The following MELK variants were observed in gnomAD, a reference collection of about 807,000 sequenced individuals.
MELK encodes the protein pEg3 kinase.
Under a neutral mutation model 85.0 loss-of-function variants are expected in MELK, and 81 were observed. That is an observed-to-expected ratio of 0.95 (90% confidence interval 0.80 to 1.15). MELK has a LOEUF of 1.15. Ranked by LOEUF, MELK falls within the 50% of genes most tolerant of loss-of-function variation. MELK has a pLI of 0.00. For synonymous variants in MELK, 252 were observed against 265.0 expected (o/e 0.95, Z 0.48); for missense variants, 754 against 777.5 (o/e 0.97, Z 0.36).
At chr9:36,669,489 G>T in intron 15 of MELK, 83 bp downstream of exon 15, 1 of 952,354 alleles carries the variant, frequency 1.1e-6, no homozygotes, top group Non-Finnish European at 1.5e-6. Context: ...ACCTGATTAA[G>T]GTAAATCATC....
intron 10 of MELK, 80 bp downstream of exon 10, chr9:36,633,280 G>A: frequency 3.2e-6 from 3 of 935,614 alleles, no homozygotes; most frequent in Non-Finnish European, 3.3e-6. Context: ...CAATGATGTG[G>A]TCTAAATATA....
chr9:36,634,283 A>G (rs1828905271), intron 10 of MELK, among the ~76,000 whole-genome samples: 1 of 152,248 alleles, frequency 6.6e-6, no homozygotes, highest in Non-Finnish European at 1.5e-5. Context: ...TATCATTGAC[A>G]ACAAATATGT....
Position 36,615,598 on chromosome 9 carries a change from C to T in MELK, c.666+7925C>T, listed in dbSNP as rs1314264672. Among the ~76,000 whole-genome samples the T allele has an allele frequency of 2.1e-4, 27 of 129,418 alleles. 3 individuals are homozygous for T. Among genetic ancestry groups the T allele is most frequent in the African/African-American group, 8.8e-4 (23 of 25,996 alleles). The allele number at this position is 129,418 out of a possible 152,430, so 84.9% of individuals were successfully genotyped here. A position where few individuals can be genotyped will look rare whatever the true frequency, so the allele number is the denominator to read the frequency against. On this transcript the variant is annotated intron_variant, in intron 8 of 17. Transcript: ENST00000298048. ...GCGGAGAGGCTCCTCACTTCTCAGA[C>T]GGGGTGGTTGCCAGGCAGAGGGTCT... is the stretch of plus-strand genomic sequence containing the variant.
At chr9:36,641,174 G>A (rs1395904005) in intron 10 of MELK, among the ~76,000 whole-genome samples, 2 of 152,160 alleles carry the variant, frequency 1.3e-5, no homozygotes, top group East Asian at 3.8e-4. Context: ...CTTATAATAG[G>A]AATACGCAAA....
chr9:36,639,028 T>TA (rs1829492189), intron 10 of MELK, among the ~76,000 whole-genome samples: 2 of 152,162 alleles, frequency 1.3e-5, no homozygotes. Flanking sequence ...TCTGTTGAAG[T>TA]AGCTACTGGA....
rs117524792 is a variant in MELK, at chr9:36,632,023, G to A, written c.736-1079G>A. On this transcript the variant is annotated intron_variant, in intron 9 of 17. Coordinates refer to ENST00000298048, the MANE Select transcript of MELK (RefSeq NM_014791.4). ...TACTGAATAAATACTTGAATGAGTT[G>A]ATGTACTATTGAATGGGCCCTGTTA... Among the ~76,000 whole-genome samples, 1,378 of 152,296 alleles carry A rather than the reference G, an allele frequency of 9.0e-3. 8 individuals carry two copies. The highest frequency in any genetic ancestry group is 0.014 in the Non-Finnish European group (943 of 68,034).
chr9:36,632,291 A>G (rs912092995), intron 9 of MELK, among the ~76,000 whole-genome samples: 2 of 152,206 alleles, frequency 1.3e-5, no homozygotes, highest in Admixed American at 1.3e-4. Flanking sequence ...GCTGAAGCCT[A>G]GGTAAGCACT....
intron 8 of MELK, among the ~76,000 whole-genome samples, chr9:36,629,580 G>A (rs1445623939): frequency 1.3e-5 from 2 of 152,154 alleles, no homozygotes; most frequent in Non-Finnish European, 1.5e-5. Context: ...CCTATGTACT[G>A]TCACCAAATA....
intron 4 of MELK, among the ~76,000 whole-genome samples, chr9:36,591,102 A>G (rs981683268): frequency 1.3e-5 from 2 of 152,088 alleles, no homozygotes; most frequent in African/African-American, 2.4e-5. Flanking sequence ...TAAAAAATAA[A>G]AACAAAAAAA....
intron 11 of MELK, among the ~76,000 whole-genome samples, chr9:36,647,581 C>T (rs963078090): frequency 2.5e-4 from 38 of 151,900 alleles, no homozygotes; most frequent in African/African-American, 3.4e-4. Context: ...CTCCGCCTCC[C>T]GAGTTCAAGC....
Position 36,665,576 on chromosome 9 carries a change from C to T in MELK, c.1403C>T (p.Ser468Leu). 1 of 1,606,104 alleles carries T rather than the reference C, an allele frequency of 6.2e-7. No individual in the cohort carries two copies. Among genetic ancestry groups the T allele is most frequent in the Non-Finnish European group, 8.5e-7 (1 of 1,174,972 alleles). The change falls in exon 14 of 18, where the codon TCA (serine) becomes TTA (leucine). Residue 468 changes from serine (S) to leucine (L), a missense_variant. Physicochemically the swap from Ser to Leu is moderately radical, Grantham distance 145 (BLOSUM62 -2). Coordinates refer to ENST00000298048, the MANE Select transcript of MELK (RefSeq NM_014791.4). ...ACGCCAAATCGTTACACTACACCCTCAAAAGGTATTTGCTAAGTGAATTAA... is the reference window on the plus strand; with the variant it reads ...ACGCCAAATCGTTACACTACACCCTTAAAAGGTATTTGCTAAGTGAATTAA... ...LTTPNRYTTP[S>L]KARNQCLKET... is the part of the protein sequence containing the mutation.
chr9:36,606,606 T>A, intron 7 of MELK, among the ~76,000 whole-genome samples: 1 of 147,138 alleles, frequency 6.8e-6, no homozygotes, highest in East Asian at 2.0e-4. Flanking sequence ...ATATAATATA[T>A]ACATATGTAT....
chr9:36,593,715 G>A (rs1331198223), intron 4 of MELK, among the ~76,000 whole-genome samples: 2 of 152,022 alleles, frequency 1.3e-5, no homozygotes, highest in Admixed American at 1.3e-4. Context: ...TTTTTGAGAC[G>A]AAGTCTCACT....
chr9:36,622,960 C>G (rs879549925), intron 8 of MELK, among the ~76,000 whole-genome samples: 1 of 152,170 alleles, frequency 6.6e-6, no homozygotes, highest in Non-Finnish European at 1.5e-5. Flanking sequence ...CTTAAATAAA[C>G]AAACACAAAT....
In MELK at chr9:36,621,275, G is replaced by GAAAAAAAAAAAAAAAA. The variant is rs74181196; in HGVS notation, c.667-8997_667-8982dup. ...TGACAGAGTGAGACTCTGTCTCAGG[G>GAAAAAAAAAAAAAAAA]AAAAAAAAAAAAAAAAAAAAAAAAA... On this transcript the variant is annotated intron_variant, in intron 8 of 17. Transcript: ENST00000298048. Among the ~76,000 whole-genome samples, 14 of 32,444 alleles carry GAAAAAAAAAAAAAAAA rather than the reference G, an allele frequency of 4.3e-4. 1 individual carries two copies. The highest frequency in any genetic ancestry group is 7.1e-4 in the Non-Finnish European group (8 of 11,226). 21.3% of individuals were successfully genotyped at this position (32,444 alleles called of 152,430 possible).
At chr9:36,596,536 C>A (rs1457690538) in intron 5 of MELK, among the ~76,000 whole-genome samples, 4 of 149,676 alleles carry the variant, frequency 2.7e-5, no homozygotes, top group Admixed American at 1.3e-4. Flanking sequence ...GGATTACAGG[C>A]GTGAGCCACT....
At chr9:36,655,666 T>C (rs1395806966) in intron 12 of MELK, among the ~76,000 whole-genome samples, 3 of 152,218 alleles carry the variant, frequency 2.0e-5, no homozygotes, top group African/African-American at 7.2e-5. Context: ...AGGGGTGATA[T>C]GTGTGCTATT....
chr9:36,651,985 T>A, intron 12 of MELK, 108 bp downstream of exon 12: 1 of 1,125,770 alleles, frequency 8.9e-7, no homozygotes, highest in Non-Finnish European at 1.2e-6. Context: ...AGGCAAGATG[T>A]TTTATGATTT....
chr9:36,651,249 A>G (rs1356191932), intron 11 of MELK, among the ~76,000 whole-genome samples: 1 of 152,174 alleles, frequency 6.6e-6, no homozygotes, highest in African/African-American at 2.4e-5. Flanking sequence ...TTGATGGTTG[A>G]TGTCAGGGTA....
Sources: allele counts gnomAD v4.1 joint callset (sites outside exome capture counted in the v4.1 genomes callset), GRCh38; gene constraint gnomAD v4.1.1; transcripts MANE v1.5; gene names NCBI Gene and HGNC (gene_info 2026-07-23, HGNC 2026-07-21).